Variants in JAK2 observed in about 807,000 individuals in gnomAD.
The protein encoded by JAK2 is tyrosine-protein kinase JAK2.
In JAK2, 86 loss-of-function variants were observed where a neutral mutation model predicts 139.3. The ratio of observed to expected loss-of-function variants is 0.62; its 90% confidence interval spans 0.52 to 0.74. The LOEUF (loss-of-function observed/expected upper bound fraction) is 0.74, where lower values mean the gene tolerates loss of function less well. Ranked by LOEUF, JAK2 falls within the 30% of genes least tolerant of loss-of-function variation. JAK2 has a pLI of 0.00. For missense variants in JAK2, 1,421 were observed against 1,360.3 expected (o/e 1.04, Z -0.70); for synonymous variants, 490 against 437.7 (o/e 1.12, Z -1.49).
At chr9:5,062,403 A>G (rs1818245327) in intron 8 of JAK2, among the ~76,000 whole-genome samples, 2 of 151,680 alleles carry the variant, frequency 1.3e-5, no homozygotes, top group South Asian at 4.2e-4. Context: ...AAAATTACCA[A>G]AACATGACAC....
At chr9:4,993,691 T>G (rs1363261213) in intron 2 of JAK2, among the ~76,000 whole-genome samples, 1 of 152,186 alleles carries the variant, frequency 6.6e-6, no homozygotes, top group African/African-American at 2.4e-5. Flanking sequence ...CCATGAAGTT[T>G]CCTCAAGACC....
At chr9:5,009,437 T>G (rs78011214) in intron 2 of JAK2, among the ~76,000 whole-genome samples, 1 of 148,622 alleles carries the variant, frequency 6.7e-6, no homozygotes, top group African/African-American at 2.5e-5. Context: ...CTAGTCAGGA[T>G]TTTTTTTTTT....
chr9:5,099,066 T>C (rs559734152), intron 22 of JAK2: 2 of 152,302 alleles, frequency 1.3e-5, no homozygotes, highest in South Asian at 2.1e-4. Context: ...TTGAAGTTGA[T>C]AACCGAACAA....
chr9:5,045,710 C>G lies in JAK2; in HGVS notation c.468+1190C>G, dbSNP rs544757503. ...TGGCTTATTTCACTTAGCATAATGT[C>G]TGTCAGGTTCATCCATGTTGTAGCA... On this transcript the variant is annotated intron_variant, in intron 5 of 24. Coordinates refer to ENST00000381652, the MANE Select transcript of JAK2 (RefSeq NM_004972.4). 5.3e-5 allele frequency among the ~76,000 whole-genome samples: 8 copies of G among 152,282 alleles called. No individual in the cohort carries two copies. In the South Asian group the frequency reaches 1.0e-3, roughly 20 times the overall value.
chr9:5,055,892 T>G, intron 8 of JAK2, 104 bp downstream of exon 8: 1 of 1,072,150 alleles, frequency 9.3e-7, no homozygotes, highest in South Asian at 1.6e-5. Flanking sequence ...GAATTTTGAT[T>G]GTAGTTTTAA....
At position 5,055,766 on chromosome 9, in the gene JAK2, A is replaced by G; in HGVS notation, c.1034A>G (p.His345Arg). 1.2e-6 allele frequency: 2 copies of G among 1,610,918 alleles called. No homozygotes were observed. The highest frequency in any genetic ancestry group is 1.1e-5 in the South Asian group (1 of 90,856). The change falls in exon 8 of 25, where the codon CAT (histidine) becomes CGT (arginine). Residue 345 changes from histidine (H) to arginine (R), a missense_variant. Physicochemically the swap from His to Arg is conservative, Grantham distance 29 (BLOSUM62 0). Coordinates refer to ENST00000381652, the MANE Select transcript of JAK2 (RefSeq NM_004972.4). ...GSNESRVVTI[H>R]KQDGKNLEIE... is the part of the protein sequence containing the mutation. ...AATGAAAGCCGAGTTGTAACTATCC[A>G]TAAGCAAGATGGTAAAAATCTGGTA...
At chr9:5,015,405 C>G (rs762955898) in intron 2 of JAK2, among the ~76,000 whole-genome samples, 1 of 152,162 alleles carries the variant, frequency 6.6e-6, no homozygotes, top group Non-Finnish European at 1.5e-5. Flanking sequence ...TGTTAAATGT[C>G]TTTTTCATTG....
Position 5,055,784 on chromosome 9 carries a change from A to C in JAK2, c.1052A>C (p.Asn351Thr), listed in dbSNP as rs1817722807. 6.2e-7 allele frequency: 1 copy of C among 1,609,914 alleles called. No homozygotes were observed. The highest frequency in any genetic ancestry group is 8.5e-7 in the Non-Finnish European group (1 of 1,177,308). Residue 351 changes from asparagine to threonine, a missense_variant, in exon 8 of 25, where the codon AAT becomes ACT. Coordinates refer to ENST00000381652, the MANE Select transcript of JAK2 (RefSeq NM_004972.4). ...ACTATCCATAAGCAAGATGGTAAAA[A>C]TCTGGTAAGTTTGCTTTATGATTGA... ...VVTIHKQDGK[N>T]LEIELSSLRE...
chr9:5,054,639 T>A lies in JAK2; in HGVS notation c.691T>A (p.Tyr231Asn), dbSNP rs1410012879. ...YHILTRKRIR[Y>N]RFRRFIQQFS... is the part of the protein sequence containing the mutation. ...TATTTTGACAAGGAAGCGAATAAGG[T>A]ACAGATTTCGCAGATTTATTCAGCA... Residue 231 changes from tyrosine (Y) to asparagine (N), a missense_variant, in exon 7 of 25, where the codon TAC becomes AAC. By Grantham distance (143) the Tyr-to-Asn change is moderately radical (BLOSUM62 -2). Transcript: ENST00000381652. The surrounding 1 kb of genome is among the most constrained non-coding windows in gnomAD (Gnocchi z 4.9). 6.2e-7 allele frequency: 1 copy of A among 1,613,254 alleles called. No homozygotes were observed. The highest frequency in any genetic ancestry group is 1.7e-5 in the Admixed American group (1 of 59,964).
At chr9:5,119,888 A>G (rs968417969) in intron 22 of JAK2, among the ~76,000 whole-genome samples, 3 of 152,228 alleles carry the variant, frequency 2.0e-5, no homozygotes, top group Admixed American at 6.5e-5. Context: ...TAAATATTTT[A>G]TACAATGAAA....
In JAK2 at chr9:5,126,606, T is replaced by C. The variant is rs1586848503; in HGVS notation, c.3292-78T>C. ...GCATGGTTATGACATGTGCCCTGTA[T>C]TGAAAATTAATGTCTTCCACCAATT... On this transcript the variant is annotated intron_variant, in intron 24 of 24. Transcript: ENST00000381652. 6 of 1,078,440 alleles carry C rather than the reference T, an allele frequency of 5.6e-6. No homozygotes were observed. The East Asian group carries it at 7.2e-5, about 13-fold the overall frequency. The allele number at this position is 1,078,440 out of a possible 1,614,324, so 66.8% of individuals were successfully genotyped here.
At chr9:5,043,282 C>G (rs1245139117) in intron 4 of JAK2, among the ~76,000 whole-genome samples, 4 of 151,794 alleles carry the variant, frequency 2.6e-5, no homozygotes, top group Non-Finnish European at 5.9e-5. Flanking sequence ...TTCTCTGATG[C>G]TCTTTTGAAG....
At chr9:5,110,985 G>GTTCCC (rs1467663404) in intron 22 of JAK2, 2 of 644,274 alleles carry the variant, frequency 3.1e-6, no homozygotes, top group Non-Finnish European at 2.8e-6. Context: ...TCAGCATGAT[G>GTTCCC]TTCCCGCTGC....
At chr9:5,089,103 T>C (rs1820355425) in intron 19 of JAK2, among the ~76,000 whole-genome samples, 1 of 152,244 alleles carries the variant, frequency 6.6e-6, no homozygotes, top group South Asian at 2.1e-4. Context: ...TTAATGCTCA[T>C]CATTTATTTA....
rs890372558 is a variant in JAK2, at chr9:5,077,888, G to A, written c.1992+308G>A. The stretch of plus-strand genomic sequence containing the variant: ...CAGAAGTATGTGCTTCTGTATTTTT[G>A]GGCCATTGTACATTATGGTCCATGA... On this transcript the variant is annotated intron_variant, in intron 15 of 24. Coordinates refer to ENST00000381652, the MANE Select transcript of JAK2 (RefSeq NM_004972.4). Among the ~76,000 whole-genome samples, 48 of 152,000 alleles carry A rather than the reference G, an allele frequency of 3.2e-4. 1 individual carries two copies. The highest frequency in any genetic ancestry group is 1.5e-5 in the Non-Finnish European group (1 of 67,998).
At chr9:5,066,885 A>G (rs1026324979) in intron 10 of JAK2, 96 bp downstream of exon 10, 1 of 490,762 alleles carries the variant, frequency 2.0e-6, no homozygotes. Flanking sequence ...AATACTGAGA[A>G]TTATAGCTTT....
chr9:5,068,959 G>C, intron 10 of JAK2, 63 bp from the exon 11 acceptor site: 1 of 930,064 alleles, frequency 1.1e-6, no homozygotes, highest in Non-Finnish European at 1.6e-6. Context: ...CATTTTGTCA[G>C]AATAATCACT....
At chr9:5,012,877 A>G (rs1201822250) in intron 2 of JAK2, among the ~76,000 whole-genome samples, 2 of 152,106 alleles carry the variant, frequency 1.3e-5, no homozygotes, top group Non-Finnish European at 1.5e-5. Flanking sequence ...CCTGTGGGAG[A>G]TTAGGTTATT....
chr9:5,112,972 C>G (rs1822764374), intron 22 of JAK2: 1 of 193,958 alleles, frequency 5.2e-6, no homozygotes, highest in South Asian at 1.6e-4. Context: ...CAGCATTGAG[C>G]CAACACCGAC....
Sources: gnomAD v4.1 joint callset for allele counts (sites outside exome capture counted in the v4.1 genomes callset) on GRCh38, gnomAD v4.1.1 for gene constraint, Gnocchi (gnomAD v3.1) non-coding constraint, MANE v1.5 for transcripts, NCBI Gene and HGNC (gene_info 2026-07-23, HGNC 2026-07-21) for gene names.